Variants in GABPB2 observed in about 807,000 individuals in gnomAD.
GABPB2 encodes GA binding protein transcription factor subunit beta 2.
Under a neutral mutation model 39.1 loss-of-function variants are expected in GABPB2, and 23 were observed. That is an observed-to-expected ratio of 0.59 (90% CI 0.42 to 0.83). The LOEUF is 0.83. Ranked by LOEUF, GABPB2 falls within the 40% of genes least tolerant of loss-of-function variation. GABPB2 has a pLI of 0.00. For missense variants in GABPB2, 467 were observed against 541.1 expected (o/e 0.86, Z 1.36); for synonymous variants, 184 against 199.3 (o/e 0.92, Z 0.65).
At chr1:151,075,429 TG>T (rs922357942) in intron 1 of GABPB2, among the ~76,000 whole-genome samples, 1 of 151,824 alleles carries the variant, frequency 6.6e-6, no homozygotes, top group Non-Finnish European at 1.5e-5. Flanking sequence ...CCGGGCATGG[TG>T]GCGGGCGCCT....
chr1:151,071,223 G>C (rs587604836), intron 1 of GABPB2, among the ~76,000 whole-genome samples: 1 of 152,292 alleles, frequency 6.6e-6, no homozygotes, highest in Admixed American at 6.5e-5. Context: ...TGACCACTAG[G>C]GGGCGGCGCG....
At chr1:151,100,330 A>G (rs1031832707) in intron 5 of GABPB2, among the ~76,000 whole-genome samples, 1 of 151,456 alleles carries the variant, frequency 6.6e-6, no homozygotes, top group Non-Finnish European at 1.5e-5. Flanking sequence ...TCTTTAGTAG[A>G]GACGGGGTTT....
intron 4 of GABPB2, among the ~76,000 whole-genome samples, chr1:151,095,375 GT>G (rs1679025942): frequency 1.3e-5 from 2 of 152,186 alleles, no homozygotes. Context: ...GTGTGAAGGA[GT>G]TTGAACTATT....
chr1:151,082,173 T>C (rs1677773570), intron 1 of GABPB2, among the ~76,000 whole-genome samples: 1 of 147,480 alleles, frequency 6.8e-6, no homozygotes, highest in Non-Finnish European at 1.5e-5. Flanking sequence ...ACCTCCCGGG[T>C]CCAAGCGATT....
chr1:151,106,913 A>T, intron 6 of GABPB2, 124 bp from the exon 7 acceptor site: 1 of 598,428 alleles, frequency 1.7e-6, no homozygotes, highest in Non-Finnish European at 2.8e-6. Context: ...CGAACTGTTG[A>T]ATCTCACTTT....
chr1:151,097,339 A>G (rs1208631850), intron 4 of GABPB2, among the ~76,000 whole-genome samples: 1 of 152,098 alleles, frequency 6.6e-6, no homozygotes, highest in East Asian at 1.9e-4. Flanking sequence ...GCAACCTAAC[A>G]ACTCTGTTGG....
intron 1 of GABPB2, among the ~76,000 whole-genome samples, chr1:151,075,421 G>A (rs911190395): frequency 5.9e-5 from 9 of 151,844 alleles, no homozygotes; most frequent in African/African-American, 1.5e-4. Flanking sequence ...AAAATTAGCC[G>A]GGCATGGTGG....
chr1:151,096,957 G>T (rs1404351274), intron 4 of GABPB2, among the ~76,000 whole-genome samples: 1 of 151,994 alleles, frequency 6.6e-6, no homozygotes, highest in Non-Finnish European at 1.5e-5. Flanking sequence ...TGTCGCCCAG[G>T]CTGGAGTATA....
At chr1:151,092,896 A>G (rs769471672) in intron 3 of GABPB2, among the ~76,000 whole-genome samples, 5 of 152,126 alleles carry the variant, frequency 3.3e-5, no homozygotes, top group African/African-American at 4.8e-5. Flanking sequence ...ACTTATGCCT[A>G]TTTATTCAGG....
chr1:151,093,075 A>C (rs1678842849), intron 3 of GABPB2, 117 bp from the exon 4 acceptor site: 1 of 746,394 alleles, frequency 1.3e-6, no homozygotes, highest in Non-Finnish European at 2.0e-6. Context: ...TATTCCTTAA[A>C]TGTGATCTAG....
intron 5 of GABPB2, 142 bp downstream of exon 5, chr1:151,098,144 G>A (rs960668650): frequency 1.4e-6 from 1 of 709,770 alleles, no homozygotes; most frequent in Non-Finnish European, 2.3e-6. Context: ...AGATTTTAAA[G>A]CTGAGGTACT....
intron 1 of GABPB2, among the ~76,000 whole-genome samples, chr1:151,087,329 A>AC (rs1678290820): frequency 6.6e-6 from 1 of 151,960 alleles, no homozygotes; most frequent in Non-Finnish European, 1.5e-5. Flanking sequence ...ATTACACGAT[A>AC]GTCAGAAGAT....
At chr1:151,098,611 TA>T (rs1420063973) in intron 5 of GABPB2, among the ~76,000 whole-genome samples, 1 of 151,260 alleles carries the variant, frequency 6.6e-6, no homozygotes, top group Non-Finnish European at 1.5e-5. Flanking sequence ...ATAAGGGAAA[TA>T]AACATTAATA....
Position 151,124,517 on chromosome 1 carries a change from A to G in GABPB2, c.*6261A>G, listed in dbSNP as rs2101589239. The G allele has an allele frequency of 6.8e-6, 1 of 147,982 alleles. No individual in the cohort carries two copies. Among genetic ancestry groups the G allele is most frequent in the African/African-American group, 2.5e-5 (1 of 39,908 alleles). The allele number at this position is 147,982 out of a possible 1,614,324, so 9.2% of individuals were successfully genotyped here. On this transcript the variant is annotated 3_prime_UTR_variant, in exon 9 of 9. Transcript: ENST00000368918. ...AAGAAAGCTTGTGTGGCTCTCTCCT[A>G]TCATTACAGACCTCCAGAGCTGGAA...
At chr1:151,073,655 C>A (rs1485454988) in intron 1 of GABPB2, among the ~76,000 whole-genome samples, 1 of 152,140 alleles carries the variant, frequency 6.6e-6, no homozygotes, top group Non-Finnish European at 1.5e-5. Flanking sequence ...GGCGCGGTGG[C>A]TCATCCCCGT....
At chr1:151,100,349 T>G (rs1340352564) in intron 5 of GABPB2, among the ~76,000 whole-genome samples, 1 of 151,812 alleles carries the variant, frequency 6.6e-6, no homozygotes, top group African/African-American at 2.4e-5. Flanking sequence ...TTCACCATGT[T>G]GGCCAGGCTG....
chr1:151,082,110 C>T (rs1220256495), intron 1 of GABPB2, among the ~76,000 whole-genome samples: 1 of 145,732 alleles, frequency 6.9e-6, no homozygotes, highest in African/African-American at 2.5e-5. Flanking sequence ...GGAGTCTCAC[C>T]CTGTTGCCCA....
intron 1 of GABPB2, among the ~76,000 whole-genome samples, chr1:151,087,187 A>G (rs1208368781): frequency 6.6e-6 from 1 of 151,858 alleles, no homozygotes; most frequent in Non-Finnish European, 1.5e-5. Context: ...CGGTTTCGCC[A>G]TTTTGCCTAG....
chr1:151,098,114 C>G (rs1679242588), intron 5 of GABPB2, 112 bp downstream of exon 5: 1 of 869,224 alleles, frequency 1.2e-6, no homozygotes, highest in Admixed American at 2.7e-5. Context: ...AAAATATTGC[C>G]AAAGCAGAAG....
Sources: gnomAD v4.1 joint callset for allele counts (sites outside exome capture counted in the v4.1 genomes callset) on GRCh38, gnomAD v4.1.1 for gene constraint, MANE v1.5 for transcripts, NCBI Gene and HGNC (gene_info 2026-07-23, HGNC 2026-07-21) for gene names.